The following SEZ6 variants were observed in gnomAD, a reference collection of about 807,000 sequenced individuals.
SEZ6 encodes the protein seizure related 6 homolog.
Under a neutral mutation model 101.0 loss-of-function variants are expected in SEZ6, and 53 were observed. The observed-to-expected ratio is 0.52, with a 90% CI of 0.42 to 0.66. SEZ6 has a LOEUF of 0.66. Ranked by LOEUF, SEZ6 falls within the 30% of genes least tolerant of loss-of-function variation. The pLI is 0.00. For missense variants in SEZ6, 1,102 were observed against 1,289.4 expected (o/e 0.85, Z 2.23); for synonymous variants, 488 against 512.2 (o/e 0.95, Z 0.64).
At chr17:28,984,029 C>T (rs1317576157) in intron 1 of SEZ6, among the ~76,000 whole-genome samples, 2 of 152,164 alleles carry the variant, frequency 1.3e-5, no homozygotes, top group East Asian at 3.9e-4. Flanking sequence ...AGCTTGGGCA[C>T]CCCACATCCC....
chr17:28,957,372 T>C lies in SEZ6; in HGVS notation c.2470A>G (p.Ser824Gly). The C allele has an allele frequency of 6.2e-7, 1 of 1,613,800 alleles. No individual in the cohort carries two copies. The highest frequency in any genetic ancestry group is 2.2e-5 in the East Asian group (1 of 44,880). The change falls in exon 12 of 17, where the codon AGT becomes GGT. Residue 824 changes from serine to glycine, a missense_variant. By Grantham distance (56) the Ser-to-Gly change is moderately conservative (BLOSUM62 0). This residue lies in a region of SEZ6 where 556 missense variants were observed against 735.1 expected (regional missense o/e 0.76). Coordinates refer to ENST00000317338, the MANE Select transcript of SEZ6 (RefSeq NM_178860.5). Reference sequence around the variant, plus strand: ...CGGAGACATTTAGGGGCCCGGTCACTCCACTTGGGGCTGCCAGCCTGGCGA... The same window carrying C: ...CGGAGACATTTAGGGGCCCGGTCACCCCACTTGGGGCTGCCAGCCTGGCGA... ...HDRQAGSPKW[S>G]DRAPKCLLEQ...
intron 4 of SEZ6, 38 bp from the exon 5 acceptor site, chr17:28,964,185 A>C: frequency 7.7e-5 from 62 of 807,302 alleles, no homozygotes; most frequent in Non-Finnish European, 1.1e-4. Flanking sequence ...GTATGTGTGC[A>C]GGGTGGGGGC....
At chr17:28,995,025 A>G (rs2041516552) in intron 1 of SEZ6, among the ~76,000 whole-genome samples, 1 of 151,288 alleles carries the variant, frequency 6.6e-6, no homozygotes, top group Non-Finnish European at 1.5e-5. Flanking sequence ...GGCACCCACC[A>G]CCATGCCTGG....
At chr17:28,997,857 C>T (rs1256198737) in intron 1 of SEZ6, among the ~76,000 whole-genome samples, 1 of 152,148 alleles carries the variant, frequency 6.6e-6, no homozygotes, top group East Asian at 1.9e-4. Context: ...CACTGGGTGT[C>T]CTGACTCCCT....
At chr17:28,988,071 G>A (rs1157192630) in intron 1 of SEZ6, among the ~76,000 whole-genome samples, 1 of 152,198 alleles carries the variant, frequency 6.6e-6, no homozygotes, top group Non-Finnish European at 1.5e-5. Flanking sequence ...TGTTGGGTTG[G>A]ACACAGAGAT....
intron 1 of SEZ6, among the ~76,000 whole-genome samples, chr17:29,003,857 A>G (rs561769501): frequency 6.6e-6 from 1 of 151,786 alleles, no homozygotes; most frequent in East Asian, 1.9e-4. Context: ...AGGTGCCTCC[A>G]TGGGCACTGG....
chr17:28,963,730 GTGGGTTCTTTGAGGGCAGAGTCCCTGT>G (rs571829349), intron 5 of SEZ6, among the ~76,000 whole-genome samples: 29 of 152,326 alleles, frequency 1.9e-4, no homozygotes, highest in Non-Finnish European at 3.8e-4. Context: ...TCCTGGAAAT[GTGGGTTCTTTGAGGGCAGAGTCCCTGT>G]TTAATTCAGC....
Position 29,005,730 on chromosome 17 carries a change from C to A in SEZ6, c.55+85G>T. ...GTGCTTGGACTGGGCAGCCAGATGC[C>A]CGAAGCTGGGCACCGGGTCTCCCTT... On this transcript the variant is annotated intron_variant, in intron 1 of 16. Transcript: ENST00000317338. This position sits in a 1 kb window ranked among gnomAD's most constrained non-coding sequence, Gnocchi z 4.8. The A allele has an allele frequency of 7.3e-7, 1 of 1,378,164 alleles. No homozygotes were observed. Among genetic ancestry groups the A allele is most frequent in the Non-Finnish European group, 9.6e-7 (1 of 1,040,188 alleles). The allele number at this position is 1,378,164 out of a possible 1,614,324, so 85.4% of individuals were successfully genotyped here. A position where few individuals can be genotyped will look rare whatever the true frequency, so the allele number is the denominator to read the frequency against.
At chr17:28,969,982 A>C (rs1251515287) in intron 3 of SEZ6, 30 bp from the exon 4 acceptor site, 14 of 1,511,178 alleles carry the variant, frequency 9.3e-6, no homozygotes, top group Non-Finnish European at 1.1e-5. Context: ...AGAAAAGCAA[A>C]GTAGTCAGAC....
At chr17:28,977,764 GC>G (rs2041243112) in intron 3 of SEZ6, among the ~76,000 whole-genome samples, 1 of 152,162 alleles carries the variant, frequency 6.6e-6, no homozygotes, top group Non-Finnish European at 1.5e-5. Context: ...CCTGGCACCT[GC>G]CCCCTCCCAC....
At chr17:28,976,809 C>T (rs907607553) in intron 3 of SEZ6, among the ~76,000 whole-genome samples, 1 of 152,240 alleles carries the variant, frequency 6.6e-6, no homozygotes, top group Non-Finnish European at 1.5e-5. Flanking sequence ...GCACCTGCTG[C>T]TGCCCAGGCC....
In SEZ6 at chr17:28,980,121, A is replaced by G. The variant is rs546541499; in HGVS notation, c.725-308T>C. 2.1e-4 allele frequency among the ~76,000 whole-genome samples: 32 copies of G among 151,330 alleles called. No homozygotes were observed. In the East Asian group the frequency reaches 6.0e-3, roughly 28 times the overall value. On this transcript the variant is annotated intron_variant, in intron 2 of 16. Coordinates refer to ENST00000317338, the MANE Select transcript of SEZ6 (RefSeq NM_178860.5). ...CTCAGCCTCCCAAAGTGCTGGGATTACAGGCGTGAGCCACTGCACCCGGCC... is the reference window on the plus strand; with the variant it reads ...CTCAGCCTCCCAAAGTGCTGGGATTGCAGGCGTGAGCCACTGCACCCGGCC...
intron 1 of SEZ6, among the ~76,000 whole-genome samples, chr17:28,993,477 T>C (rs995753948): frequency 6.6e-6 from 1 of 152,202 alleles, no homozygotes; most frequent in Non-Finnish European, 1.5e-5. Flanking sequence ...GCAGAGACCA[T>C]ATTTCTCTGA....
chr17:28,962,780 C>CA (rs141990354), intron 5 of SEZ6, among the ~76,000 whole-genome samples: 1,925 of 46,884 alleles, frequency 0.041, 35 homozygotes, highest in Middle Eastern at 0.081. Context: ...GACTCCATCT[C>CA]AAAAAAAAAA....
At chr17:28,966,834 C>T (rs2152685565) in intron 4 of SEZ6, among the ~76,000 whole-genome samples, 1 of 152,342 alleles carries the variant, frequency 6.6e-6, no homozygotes, top group Middle Eastern at 3.4e-3. Flanking sequence ...TGACTTTCAC[C>T]TGTCCTGTTA....
intron 1 of SEZ6, among the ~76,000 whole-genome samples, chr17:28,988,380 G>A (rs2041412465): frequency 6.6e-6 from 1 of 152,198 alleles, no homozygotes; most frequent in Non-Finnish European, 1.5e-5. Flanking sequence ...GCTAGGCATA[G>A]TGAAGGCTGG....
chr17:28,975,491 T>C (rs1176481045), intron 3 of SEZ6, among the ~76,000 whole-genome samples: 1 of 152,192 alleles, frequency 6.6e-6, no homozygotes, highest in Non-Finnish European at 1.5e-5. Flanking sequence ...AACCCCAGTC[T>C]TACAAGACAG....
At chr17:28,998,702 C>G (rs973210537) in intron 1 of SEZ6, among the ~76,000 whole-genome samples, 1 of 152,132 alleles carries the variant, frequency 6.6e-6, no homozygotes, top group African/African-American at 2.4e-5. Flanking sequence ...GGTCCTGTAC[C>G]TGCTCTTCAG....
At chr17:28,978,033 G>C (rs1010154449) in intron 3 of SEZ6, among the ~76,000 whole-genome samples, 2 of 152,182 alleles carry the variant, frequency 1.3e-5, no homozygotes, top group African/African-American at 4.8e-5. Flanking sequence ...CCCCCTGACA[G>C]GGTCTGATTC....
Sources: allele counts gnomAD v4.1 joint callset (sites outside exome capture counted in the v4.1 genomes callset), GRCh38; gene constraint gnomAD v4.1.1; regional missense constraint gnomAD v4.1.1; non-coding constraint Gnocchi (gnomAD v3.1); transcripts MANE v1.5; gene names NCBI Gene and HGNC (gene_info 2026-07-23, HGNC 2026-07-21).